ABR: variants seen among roughly 807,000 people sequenced by gnomAD.
ABR encodes the protein active breakpoint cluster region-related protein.
Under a neutral mutation model 107.2 loss-of-function variants are expected in ABR, and 35 were observed. The ratio of observed to expected loss-of-function variants is 0.33; its 90% CI spans 0.25 to 0.43. The LOEUF is 0.43. Ranked by LOEUF, ABR falls within the 20% of genes least tolerant of loss-of-function variation. The probability of loss-of-function intolerance (pLI) is 1.00; values close to 1 mark genes in which losing one functional copy is unlikely to be tolerated. For synonymous variants in ABR, 498 were observed against 462.0 expected, an observed-to-expected ratio of 1.08 and a Z score of -1.00; for missense variants, 815 against 1,115.2, an observed-to-expected ratio of 0.73 and a Z score of 3.83.
At chr17:1,122,965 A>G (rs1282259386) in intron 2 of ABR, among the ~76,000 whole-genome samples, 1 of 152,220 alleles carries the variant, frequency 6.6e-6, no homozygotes, top group Admixed American at 6.5e-5. Context: ...CCAAGGCCCC[A>G]GCAGGAAGCC....
chr17:1,031,178 C>G (rs1040063003), intron 16 of ABR, among the ~76,000 whole-genome samples: 12 of 152,118 alleles, frequency 7.9e-5, no homozygotes, highest in East Asian at 1.9e-4. Context: ...AAACCTCACA[C>G]GGCAGACGGT....
chr17:1,128,982 G>A (rs1191172648), intron 1 of ABR, among the ~76,000 whole-genome samples: 1 of 152,250 alleles, frequency 6.6e-6, no homozygotes, highest in East Asian at 1.9e-4. Flanking sequence ...TTGAGCCTCT[G>A]TTACTTGGTT....
In ABR at chr17:1,057,017, A is replaced by G. The variant is rs779849420; in HGVS notation, c.1467T>C (p.Pro489=). The change falls in exon 13 of 23, where the codon CCT becomes CCC. Residue 489 remains proline (P), a synonymous_variant. Coordinates refer to ENST00000302538, the MANE Select transcript of ABR (RefSeq NM_021962.5). ...GCTTACCGTCTTTATTGCTGGTGAC[A>G]GGAATGTTGTGTACAGTCCTAAGCT... ...CFKLRTVHNI[P]VTSNKDDDES... is the part of the protein sequence containing the mutation. 1 of 1,608,840 alleles carries G rather than the reference A, an allele frequency of 6.2e-7. No homozygotes were observed. Among genetic ancestry groups the G allele is most frequent in the East Asian group, 2.2e-5 (1 of 44,676 alleles).
chr17:1,083,403 G>A, intron 5 of ABR, 117 bp downstream of exon 5: 1 of 610,690 alleles, frequency 1.6e-6, no homozygotes. Context: ...CAGGCTAAGT[G>A]TTACCCATTA....
At chr17:1,013,083 A>T in intron 17 of ABR, 22 bp downstream of exon 17, 2 of 1,613,500 alleles carry the variant, frequency 1.2e-6, no homozygotes, top group South Asian at 2.2e-5. Flanking sequence ...CACGCCACTG[A>T]TCATTCCCAT....
Position 1,037,468 on chromosome 17 carries a change from C to A in ABR, c.1791+12582G>T. Among the ~76,000 whole-genome samples the A allele has an allele frequency of 6.6e-6, 1 of 152,240 alleles. No homozygotes were observed. Among genetic ancestry groups the A allele is most frequent in the Non-Finnish European group, 1.5e-5 (1 of 68,040 alleles). On this transcript the variant is annotated intron_variant, in intron 16 of 22. Coordinates refer to ENST00000302538, the MANE Select transcript of ABR (RefSeq NM_021962.5). The surrounding 1 kb of genome is among the most constrained non-coding windows in gnomAD (Gnocchi z 4.6). ...GTCTGCTGCAGGAGAAGTGTCCCGA[C>A]AGCCCGTCCCTGGCAAACCCTAGCG...
At chr17:1,048,624 G>A (rs987466908) in intron 16 of ABR, among the ~76,000 whole-genome samples, 6 of 124,012 alleles carry the variant, frequency 4.8e-5, no homozygotes, top group Non-Finnish European at 7.1e-5. Flanking sequence ...GCCCAGCTGC[G>A]CCTGGATCAC....
intron 1 of ABR, among the ~76,000 whole-genome samples, chr17:1,137,277 C>T (rs1227974490): frequency 6.6e-6 from 1 of 152,012 alleles, no homozygotes; most frequent in African/African-American, 2.4e-5. Context: ...CTCCTGACCT[C>T]GTGATCTGCC....
intron 3 of ABR, among the ~76,000 whole-genome samples, chr17:1,093,073 G>A (rs544524208): frequency 3.0e-4 from 45 of 151,656 alleles, no homozygotes; most frequent in Middle Eastern, 3.4e-3. Context: ...CACCCACCTC[G>A]GCCTCCCAAA....
intron 1 of ABR, among the ~76,000 whole-genome samples, chr17:1,222,127 T>C (rs984094996): frequency 1.4e-5 from 2 of 146,898 alleles, no homozygotes; most frequent in Non-Finnish European, 3.0e-5. Context: ...TGCAGAGTCG[T>C]GATCTCGGCT....
At chr17:1,021,349 T>C (rs991824912) in intron 16 of ABR, among the ~76,000 whole-genome samples, 31 of 152,190 alleles carry the variant, frequency 2.0e-4, no homozygotes, top group Non-Finnish European at 4.4e-4. Context: ...GCCCAGGAGC[T>C]GACCCCCCGA....
chr17:1,163,510 C>T (rs953031744), intron 1 of ABR, among the ~76,000 whole-genome samples: 16 of 148,986 alleles, frequency 1.1e-4, no homozygotes, highest in African/African-American at 2.7e-4. Context: ...AACTGCAAGA[C>T]GCCCAGTGAA....
chr17:1,149,425 GTT>G (rs34550378), intron 1 of ABR, among the ~76,000 whole-genome samples: 9 of 130,426 alleles, frequency 6.9e-5, no homozygotes, highest in Non-Finnish European at 8.1e-5. Flanking sequence ...TCTGGTTTTA[GTT>G]TTTTTTTTTT....
At chr17:1,063,700 T>A (rs1476112334) in intron 10 of ABR, among the ~76,000 whole-genome samples, 1 of 150,268 alleles carries the variant, frequency 6.7e-6, no homozygotes, top group Admixed American at 6.6e-5. Context: ...TTATGTGAAC[T>A]GAGGGCTATG....
In ABR at chr17:1,071,600, A is replaced by G. The variant is rs1180226465; in HGVS notation, c.894+1014T>C. ...CCCACTGGACATTCCGGCAACCTGG[A>G]CGGCCTCCACCACCTCCAACGCCAG... On this transcript the variant is annotated intron_variant, in intron 8 of 22. Coordinates refer to ENST00000302538, the MANE Select transcript of ABR (RefSeq NM_021962.5). This position sits in a 1 kb window ranked among gnomAD's most constrained non-coding sequence, Gnocchi z 5.1. Among the ~76,000 whole-genome samples the G allele has an allele frequency of 1.3e-5, 2 of 152,186 alleles. No individual in the cohort carries two copies. The highest frequency in any genetic ancestry group is 1.9e-4 in the East Asian group (1 of 5,204).
At chr17:1,057,308 TTGTGTGTGTGTGTGTGTGTGTG>T (rs750525310) in intron 12 of ABR, among the ~76,000 whole-genome samples, 1,002 of 68,008 alleles carry the variant, frequency 0.015, 21 homozygotes, top group African/African-American at 0.051. Context: ...CTGAAGAGGT[TTGTGTGTGTGTGTGTGTGTGTG>T]TGTGTGTGTG....
At position 1,118,359 on chromosome 17, in the gene ABR, T is replaced by C. The variant is rs1486646139; in HGVS notation, c.246+6824A>G. 2.0e-4 allele frequency among the ~76,000 whole-genome samples: 6 copies of C among 29,512 alleles called. 1 individual carries two copies. Among genetic ancestry groups the C allele is most frequent in the Non-Finnish European group, 2.0e-4 (3 of 15,300 alleles). 19.4% of individuals were successfully genotyped at this position (29,512 alleles called of 152,430 possible). Reference sequence around the variant, plus strand: ...GTCCTCCCAGCATTATCCCTGAGCCTGAGTTCCTCCCAGCGTTATCCCTGA... The same window carrying C: ...GTCCTCCCAGCATTATCCCTGAGCCCGAGTTCCTCCCAGCGTTATCCCTGA... On this transcript the variant is annotated intron_variant, in intron 2 of 22. Coordinates refer to ENST00000302538, the MANE Select transcript of ABR (RefSeq NM_021962.5).
chr17:1,073,213 G>C (rs1230266518), intron 7 of ABR, among the ~76,000 whole-genome samples: 5 of 148,072 alleles, frequency 3.4e-5, no homozygotes, highest in Non-Finnish European at 7.4e-5. Flanking sequence ...ATCAGAGCCA[G>C]CACAGCAGGG....
intron 16 of ABR, among the ~76,000 whole-genome samples, chr17:1,016,399 C>T (rs1427014340): frequency 6.6e-6 from 1 of 151,288 alleles, no homozygotes; most frequent in African/African-American, 2.4e-5. Context: ...TCACTGCAAG[C>T]TCCACCTCCC....
Sources: allele counts gnomAD v4.1 joint callset (sites outside exome capture counted in the v4.1 genomes callset), GRCh38; gene constraint gnomAD v4.1.1; non-coding constraint Gnocchi (gnomAD v3.1); transcripts MANE v1.5; gene names NCBI Gene and HGNC (gene_info 2026-07-23, HGNC 2026-07-21).